NCL: variants seen among roughly 807,000 people sequenced by gnomAD.
NCL encodes nucleolin multifunctional protein.
A neutral mutation model predicts 77.7 loss-of-function variants in NCL; 4 were observed. The observed-to-expected ratio is 0.05, with a 90% CI of 0.03 to 0.12. The LOEUF is 0.12. NCL is among the 10% of genes least tolerant of loss of function. The probability of loss-of-function intolerance (pLI) is 1.00; values close to 1 mark genes in which losing one functional copy is unlikely to be tolerated. For synonymous variants in NCL, 344 were observed against 297.8 expected (o/e 1.16, Z -1.60); for missense variants, 763 against 860.9 (o/e 0.89, Z 1.42).
rs531325113 is a variant in NCL, at chr2:231,455,039, C to T, written c.*152G>A. 44 of 810,774 alleles carry T rather than the reference C, an allele frequency of 5.4e-5. 1 individual carries two copies. The Middle Eastern group carries it at 1.1e-3, about 21-fold the overall frequency. The allele number at this position is 810,774 out of a possible 1,614,324, so 50.2% of individuals were successfully genotyped here. ...CAGTCAAAACCAACACGGTATTGCC[C>T]TTGAAATGTTAACTAGACGGATTTC... On this transcript the variant is annotated 3_prime_UTR_variant, in exon 14 of 14. Coordinates refer to ENST00000322723, the MANE Select transcript of NCL (RefSeq NM_005381.3).
Position 231,455,457 on chromosome 2 carries a change from C to A in NCL, c.2000G>T (p.Gly667Val), listed in dbSNP as rs773857758. The A allele has an allele frequency of 3.8e-5, 61 of 1,614,170 alleles. No homozygotes were observed. In the Middle Eastern group the frequency reaches 4.9e-4, roughly 13 times the overall value. The change falls in exon 13 of 14, where the codon GGT becomes GTT. Residue 667 changes from glycine to valine, a missense_variant. Gly to Val is a moderately radical substitution (Grantham distance 109). Coordinates refer to ENST00000322723, the MANE Select transcript of NCL (RefSeq NM_005381.3). ...GGGRGGFGGR[G>V]GGRGGRGGFG... ...TCCTCCTCGGCCTCCTCTACCACCA[C>A]CTCGTCCTCCAAAGCCGCCTCTGCC...
chr2:231,457,673 A>G lies in NCL; in HGVS notation c.1417T>C (p.Tyr473His). 4 of 1,610,664 alleles carry G rather than the reference A, an allele frequency of 2.5e-6. No individual in the cohort carries two copies. Among genetic ancestry groups the G allele is most frequent in the South Asian group, 1.1e-5 (1 of 90,288 alleles). Residue 473 changes from tyrosine (Y) to histidine (H), a missense_variant, in exon 9 of 14, where the codon TAT (tyrosine) becomes CAT (histidine). Tyr to His is a moderately conservative substitution (Grantham distance 83). Transcript: ENST00000322723. ...YTGEKGQNQD[Y>H]RGGKNSTWSG... ...CAAGTGCTATTCTTTCCACCTCTAT[A>G]GTCTTGATTTTGACCTTTCTCTCCA...
rs1428308119 is a variant in NCL at position 231,464,473 on chromosome 2, G to A, written c.-120C>T. The A allele has an allele frequency of 1.4e-5, 20 of 1,397,244 alleles. No homozygotes were observed. Among genetic ancestry groups the A allele is most frequent in the Admixed American group, 2.0e-5 (1 of 50,488 alleles). 86.6% of individuals were successfully genotyped at this position (1,397,244 alleles called of 1,614,324 possible). A position where few individuals can be genotyped will look rare whatever the true frequency, so the allele number is the denominator to read the frequency against. The stretch of plus-strand genomic sequence containing the variant: ...AGCACGTACACCCGAAGGCCAGCGA[G>A]AGCTCGAGACTGAGGCGAAAGACTG... On this transcript the variant is annotated 5_prime_UTR_variant, in exon 1 of 14. Transcript: ENST00000322723.
Position 231,454,265 on chromosome 2 carries a change from C to A in NCL, c.*926G>T, listed in dbSNP as rs2046860480. On this transcript the variant is annotated 3_prime_UTR_variant, in exon 14 of 14. Coordinates refer to ENST00000322723, the MANE Select transcript of NCL (RefSeq NM_005381.3). ...GGTTCACGTGACTCTCCCGCTTCAG[C>A]CTCCTGAGTAGCTGGGACTACAGGA... 6.6e-6 allele frequency: 1 copy of A among 152,318 alleles called. No homozygotes were observed. Among genetic ancestry groups the A allele is most frequent in the Non-Finnish European group, 1.5e-5 (1 of 68,146 alleles). 9.4% of individuals were successfully genotyped at this position (152,318 alleles called of 1,614,324 possible).
intron 2 of NCL, among the ~76,000 whole-genome samples, chr2:231,462,781 T>G (rs1000961296): frequency 2.0e-5 from 3 of 152,184 alleles, no homozygotes; most frequent in South Asian, 2.1e-4. Flanking sequence ...TAAAACACAG[T>G]GAGTAGTATT....
chr2:231,463,732 C>CA (rs2046973428), intron 1 of NCL: 1 of 174,580 alleles, frequency 5.7e-6, no homozygotes, highest in Non-Finnish European at 1.2e-5. Context: ...ATGCCTTTCC[C>CA]AGCGAGACAA....
At chr2:231,459,793 G>C (rs976270534) in intron 6 of NCL, among the ~76,000 whole-genome samples, 5 of 151,720 alleles carry the variant, frequency 3.3e-5, no homozygotes, top group African/African-American at 9.7e-5. Context: ...CGTAATCCCA[G>C]CTACTTGGGA....
chr2:231,458,513 C>T (rs2046913512), intron 7 of NCL, 124 bp from the exon 8 acceptor site: 2 of 1,237,658 alleles, frequency 1.6e-6, no homozygotes, highest in East Asian at 2.5e-5. Context: ...CTATAATGTA[C>T]AAGGCTCGGT....
chr2:231,464,339 C>A lies in NCL; in HGVS notation c.15G>T (p.Ala5=). 1 of 1,598,696 alleles carries A rather than the reference C, an allele frequency of 6.3e-7. No homozygotes were observed. The highest frequency in any genetic ancestry group is 8.5e-7 in the Non-Finnish European group (1 of 1,172,518). The change falls in exon 1 of 14, where the codon GCG becomes GCT. Residue 5 remains alanine (A), a synonymous_variant. Transcript: ENST00000322723. ...GCTCGCGCTCAAGGCCGTTTACCTTCGCGAGCTTCACCATGATGGCGGCGG... is the reference window on the plus strand; with the variant it reads ...GCTCGCGCTCAAGGCCGTTTACCTTAGCGAGCTTCACCATGATGGCGGCGG... MVKL[A]KAGKNQGDPK...
At chr2:231,456,516 C>T (rs370910173) in intron 11 of NCL, 115 bp downstream of exon 11, 1 of 1,451,070 alleles carries the variant, frequency 6.9e-7, no homozygotes, top group Non-Finnish European at 9.7e-7. Context: ...AATCAGTCAT[C>T]ATATCCAGTT....
chr2:231,456,880 T>C lies in NCL; in HGVS notation c.1572-116A>G, dbSNP rs1302912090. 4 of 1,551,464 alleles carry C rather than the reference T, an allele frequency of 2.6e-6. No homozygotes were observed. The African/African-American group carries it at 4.1e-5, about 16-fold the overall frequency. ...GGTACCTAAATGATGATCTTTATTT[T>C]ACACTCATTTACGTAGCTAAAATTA... is the stretch of plus-strand genomic sequence containing the variant. On this transcript the variant is annotated intron_variant, in intron 10 of 13. Coordinates refer to ENST00000322723, the MANE Select transcript of NCL (RefSeq NM_005381.3).
rs73996752 is a variant in NCL, at chr2:231,459,164, A to G, written c.1041-39T>C. The G allele has an allele frequency of 1.0e-2, 15,028 of 1,508,336 alleles. 1,211 individuals are homozygous for G. The African/African-American group carries it at 0.18, about 18-fold the overall frequency. 93.4% of individuals were successfully genotyped at this position (1,508,336 alleles called of 1,614,324 possible). A position where few individuals can be genotyped will look rare whatever the true frequency, so the allele number is the denominator to read the frequency against. On this transcript the variant is annotated intron_variant, in intron 6 of 13. Coordinates refer to ENST00000322723, the MANE Select transcript of NCL (RefSeq NM_005381.3). The stretch of plus-strand genomic sequence containing the variant: ...AGGAGGGCAAAATTACAACAGGTGA[A>G]AACACAAATCAAAATCCACAATATG...
intron 9 of NCL, chr2:231,457,371 GC>G: frequency 1.3e-6 from 1 of 755,606 alleles, no homozygotes; most frequent in Non-Finnish European, 2.3e-6. Flanking sequence ...AGTTCAAAAC[GC>G]ACATGGTCAA....
chr2:231,459,911 TAACAAAAAC>T (rs1162788662), intron 6 of NCL, among the ~76,000 whole-genome samples: 1 of 151,710 alleles, frequency 6.6e-6, no homozygotes, highest in Non-Finnish European at 1.5e-5. Context: ...TCTCAATACA[TAACAAAAAC>T]AACAAAAAAA....
chr2:231,464,429 C>A lies in NCL; in HGVS notation c.-76G>T. The stretch of plus-strand genomic sequence containing the variant: ...AGCCAAGCGACGGCGATGGCGGCCG[C>A]GGGTGCTGAAGATCCCGGAGCACGT... On this transcript the variant is annotated 5_prime_UTR_variant, in exon 1 of 14. Coordinates refer to ENST00000322723, the MANE Select transcript of NCL (RefSeq NM_005381.3). 1 of 1,553,238 alleles carries A rather than the reference C, an allele frequency of 6.4e-7. No homozygotes were observed. Among genetic ancestry groups the A allele is most frequent in the Non-Finnish European group, 8.7e-7 (1 of 1,144,422 alleles).
chr2:231,458,524 G>A, intron 7 of NCL, 135 bp from the exon 8 acceptor site: 1 of 1,124,190 alleles, frequency 8.9e-7, no homozygotes, highest in Non-Finnish European at 1.2e-6. Context: ...AAGGCTCGGT[G>A]CTAAATATGG....
intron 8 of NCL, 42 bp from the exon 9 acceptor site, chr2:231,457,842 T>G: frequency 6.5e-7 from 1 of 1,534,654 alleles, no homozygotes; most frequent in Non-Finnish European, 8.8e-7. Flanking sequence ...TAAAACCATA[T>G]TAACACAAAT....
Position 231,454,860 on chromosome 2 carries a change from A to C in NCL, c.*331T>G, listed in dbSNP as rs544239318. On this transcript the variant is annotated 3_prime_UTR_variant, in exon 14 of 14. Transcript: ENST00000322723. Reference sequence around the variant, plus strand: ...CCCCACGAACGCAAAAAAAAAAAAAACAAAAACAAAACAAAAAAAAGAAAC... The same window carrying C: ...CCCCACGAACGCAAAAAAAAAAAAACCAAAAACAAAACAAAAAAAAGAAAC... 732 of 193,440 alleles carry C rather than the reference A, an allele frequency of 3.8e-3. 7 individuals are homozygous for C. Among genetic ancestry groups the C allele is most frequent in the African/African-American group, 0.016 (691 of 42,742 alleles). 12.0% of individuals were successfully genotyped at this position (193,440 alleles called of 1,614,324 possible).
At position 231,457,142 on chromosome 2, in the gene NCL, A is replaced by G. The variant is rs1436985352; in HGVS notation, c.1448-18T>C. ...TGATTCACCTGCAAATAGAGATGCCACATTCCTAAGACTCTGAAACAGTGG... is the reference window on the plus strand; with the variant it reads ...TGATTCACCTGCAAATAGAGATGCCGCATTCCTAAGACTCTGAAACAGTGG... On this transcript the variant is annotated intron_variant, in intron 9 of 13. Coordinates refer to ENST00000322723, the MANE Select transcript of NCL (RefSeq NM_005381.3). 3.1e-6 allele frequency: 5 copies of G among 1,613,374 alleles called. No homozygotes were observed. The highest frequency in any genetic ancestry group is 4.2e-6 in the Non-Finnish European group (5 of 1,179,832).
Sources: allele counts gnomAD v4.1 joint callset (sites outside exome capture counted in the v4.1 genomes callset), GRCh38; gene constraint gnomAD v4.1.1; transcripts MANE v1.5; gene names NCBI Gene and HGNC (gene_info 2026-07-23, HGNC 2026-07-21).